The following HSPBAP1 variants were observed in gnomAD, a reference collection of about 807,000 sequenced individuals.
The protein encoded by HSPBAP1 is HSPB1-associated protein 1.
Under a neutral mutation model 45.2 loss-of-function variants are expected in HSPBAP1, and 27 were observed. The ratio of observed to expected loss-of-function variants is 0.60; its 90% CI spans 0.44 to 0.82. HSPBAP1 has a LOEUF of 0.82. Among genes scored for constraint, HSPBAP1 ranks in the 40% least tolerant of loss-of-function variants. The probability of loss-of-function intolerance (pLI) is 0.00; values close to 1 mark genes in which losing one functional copy is unlikely to be tolerated. For synonymous variants in HSPBAP1, 204 were observed against 202.7 expected, an observed-to-expected ratio of 1.01 and a Z score of -0.06; for missense variants, 510 against 590.9, an observed-to-expected ratio of 0.86 and a Z score of 1.42.
intron 5 of HSPBAP1, 128 bp from the exon 6 acceptor site, chr3:122,752,802 AAAAGT>A: frequency 1.4e-6 from 2 of 1,389,810 alleles, no homozygotes; most frequent in Non-Finnish European, 1.9e-6. Context: ...ATTGCTGGAG[AAAAGT>A]AAAGTAAGAA....
Position 122,777,841 on chromosome 3 carries a change from C to A in HSPBAP1, c.130G>T (p.Ala44Ser), listed in dbSNP as rs1462044373. ...TCAAACACCATGTTACAGAAGATTG[C>A]AGGTTGTTGTAAAGACATGATAATT... Reference protein sequence around the residue: ...KEIIMSLQQPAIFCNMVFDWP... With the variant: ...KEIIMSLQQPSIFCNMVFDWP... Residue 44 changes from alanine (A) to serine (S), a missense_variant, in exon 2 of 8, where the codon GCA (alanine) becomes TCA (serine). Physicochemically the swap from Ala to Ser is moderately conservative, Grantham distance 99. Coordinates refer to ENST00000306103, the MANE Select transcript of HSPBAP1 (RefSeq NM_024610.6). 2 of 1,613,610 alleles carry A rather than the reference C, an allele frequency of 1.2e-6. No individual in the cohort carries two copies. Among genetic ancestry groups the A allele is most frequent in the Admixed American group, 3.3e-5 (2 of 60,004 alleles).
At chr3:122,741,969 TA>T (rs1477122037) in intron 6 of HSPBAP1, among the ~76,000 whole-genome samples, 2 of 151,988 alleles carry the variant, frequency 1.3e-5, no homozygotes, top group Non-Finnish European at 2.9e-5. Context: ...CATTATCTCG[TA>T]AACTTGAGTA....
At chr3:122,768,297 C>T (rs1934858760) in intron 3 of HSPBAP1, among the ~76,000 whole-genome samples, 1 of 152,202 alleles carries the variant, frequency 6.6e-6, no homozygotes, top group Non-Finnish European at 1.5e-5. Context: ...ATTGCAGCAG[C>T]AGCCTGGTCA....
chr3:122,751,413 T>C (rs889736623), intron 6 of HSPBAP1, among the ~76,000 whole-genome samples: 2 of 152,154 alleles, frequency 1.3e-5, no homozygotes, highest in Non-Finnish European at 2.9e-5. Flanking sequence ...ACCTGTATCT[T>C]AAAGTTGCCT....
intron 1 of HSPBAP1, among the ~76,000 whole-genome samples, chr3:122,785,322 T>C (rs907793312): frequency 1.3e-5 from 2 of 152,214 alleles, no homozygotes; most frequent in Admixed American, 1.3e-4. Context: ...ATTCTTCTGC[T>C]AGGTCCATCT....
chr3:122,793,137 C>T (rs1030260983), intron 1 of HSPBAP1, among the ~76,000 whole-genome samples: 2 of 152,170 alleles, frequency 1.3e-5, no homozygotes, highest in African/African-American at 4.8e-5. Context: ...ACGGTGCAAT[C>T]ATTCAATAAA....
chr3:122,778,831 A>G (rs1332070542), intron 1 of HSPBAP1, among the ~76,000 whole-genome samples: 1 of 151,596 alleles, frequency 6.6e-6, no homozygotes, highest in East Asian at 2.0e-4. Flanking sequence ...CACCCGGCCC[A>G]CACAGTCTAT....
At chr3:122,768,006 T>G (rs1056852169) in intron 3 of HSPBAP1, among the ~76,000 whole-genome samples, 2 of 152,090 alleles carry the variant, frequency 1.3e-5, no homozygotes, top group African/African-American at 4.8e-5. Context: ...GCCCCACACC[T>G]AAGACACATG....
chr3:122,790,202 C>T (rs1380759251), intron 1 of HSPBAP1, among the ~76,000 whole-genome samples: 5 of 152,084 alleles, frequency 3.3e-5, no homozygotes, highest in Admixed American at 3.3e-4. Flanking sequence ...TCTCTACTTC[C>T]TTACTTTTGT....
In HSPBAP1 at chr3:122,768,875, C is replaced by T. The variant is rs1189755522; in HGVS notation, c.258G>A (p.Gln86=). ...MGMKSMSTVP[Q]FETTCNYVEA... ...CTACGTAATTACATGTAGTTTCAAA[C>T]TGAGGAACTGCAATGTAAGAGAATG... The change falls in exon 3 of 8, where the codon CAG becomes CAA. Residue 86 remains glutamine, a synonymous_variant. Coordinates refer to ENST00000306103, the MANE Select transcript of HSPBAP1 (RefSeq NM_024610.6). The T allele has an allele frequency of 6.2e-7, 1 of 1,602,408 alleles. No individual in the cohort carries two copies.
At chr3:122,782,239 T>C (rs1480874931) in intron 1 of HSPBAP1, among the ~76,000 whole-genome samples, 2 of 152,342 alleles carry the variant, frequency 1.3e-5, no homozygotes, top group East Asian at 1.9e-4. Flanking sequence ...TGAGTCAATA[T>C]AGCAGTCAAC....
intron 1 of HSPBAP1, among the ~76,000 whole-genome samples, chr3:122,781,967 T>C (rs1935502220): frequency 6.6e-6 from 1 of 152,238 alleles, no homozygotes; most frequent in Non-Finnish European, 1.5e-5. Flanking sequence ...TCTTAAATGA[T>C]TTTTCTCATA....
At chr3:122,776,582 T>C (rs1417607570) in intron 2 of HSPBAP1, among the ~76,000 whole-genome samples, 1 of 152,202 alleles carries the variant, frequency 6.6e-6, no homozygotes, top group East Asian at 1.9e-4. Context: ...AAATTACTAT[T>C]TCTATTTTTC....
intron 1 of HSPBAP1, among the ~76,000 whole-genome samples, chr3:122,780,687 T>G (rs1935418365): frequency 6.8e-6 from 1 of 147,742 alleles, no homozygotes; most frequent in Admixed American, 6.7e-5. Flanking sequence ...ACGGGGTGGC[T>G]GCCGGGCGGA....
intron 6 of HSPBAP1, among the ~76,000 whole-genome samples, chr3:122,747,520 C>A (rs1262774009): frequency 1.3e-5 from 2 of 150,060 alleles, no homozygotes; most frequent in African/African-American, 4.9e-5. Flanking sequence ...CCAGCCGCCC[C>A]GTCTCGGAGG....
chr3:122,784,178 T>C (rs1404297070), intron 1 of HSPBAP1, among the ~76,000 whole-genome samples: 1 of 152,088 alleles, frequency 6.6e-6, no homozygotes, highest in Admixed American at 6.6e-5. Context: ...GTGGCATATT[T>C]GGGGGTGGCA....
chr3:122,778,275 T>A (rs1187192071), intron 1 of HSPBAP1, among the ~76,000 whole-genome samples: 20 of 150,984 alleles, frequency 1.3e-4, no homozygotes, highest in Admixed American at 1.3e-3. Context: ...AAATTATGAT[T>A]TAACTTATTA....
chr3:122,746,603 C>A (rs995954529), intron 6 of HSPBAP1, among the ~76,000 whole-genome samples: 2 of 150,160 alleles, frequency 1.3e-5, no homozygotes, highest in African/African-American at 4.9e-5. Flanking sequence ...TAGATCTCAG[C>A]TCTCTCCTCT....
chr3:122,780,614 C>A (rs572273274), intron 1 of HSPBAP1, among the ~76,000 whole-genome samples: 7,953 of 147,168 alleles, frequency 0.054, 296 homozygotes, highest in Middle Eastern at 0.11. Flanking sequence ...CTGACCCCCC[C>A]ACATCCCTCC....
Sources: gnomAD v4.1 joint callset for allele counts (sites outside exome capture counted in the v4.1 genomes callset) on GRCh38, gnomAD v4.1.1 for gene constraint, MANE v1.5 for transcripts, NCBI Gene and HGNC (gene_info 2026-07-23, HGNC 2026-07-21) for gene names.